The following DNAH9 variants were observed in gnomAD, a reference collection of about 807,000 sequenced individuals.
The protein encoded by DNAH9 is dynein axonemal heavy chain 9.
Under a neutral mutation model 471.6 loss-of-function variants are expected in DNAH9, and 345 were observed. The observed-to-expected ratio is 0.73, with a 90% CI of 0.67 to 0.80. The LOEUF (loss-of-function observed/expected upper bound fraction) is 0.80. DNAH9 is among the 30% of genes least tolerant of loss of function. The pLI is 0.00. For missense variants in DNAH9, 5,407 were observed against 5,609.2 expected (o/e 0.96, Z 1.15); for synonymous variants, 2,093 against 2,123.6 (o/e 0.99, Z 0.40).
intron 48 of DNAH9, among the ~76,000 whole-genome samples, chr17:11,825,036 T>A (rs563752521): frequency 1.3e-5 from 2 of 152,148 alleles, no homozygotes; most frequent in African/African-American, 4.8e-5. Flanking sequence ...AACTCAACGT[T>A]TGCCAACAAA....
intron 55 of DNAH9, chr17:11,883,260 T>TA (rs1972785811): frequency 1.9e-6 from 2 of 1,044,230 alleles, no homozygotes; most frequent in African/African-American, 1.7e-5. Context: ...ACCCTCTAGT[T>TA]ACACAAATAA....
intron 5 of DNAH9, among the ~76,000 whole-genome samples, chr17:11,617,942 A>G (rs2072779478): frequency 6.6e-6 from 1 of 152,230 alleles, no homozygotes; most frequent in African/African-American, 2.4e-5. Flanking sequence ...CCTAAGCAGT[A>G]AAGAGTGCAG....
intron 43 of DNAH9, among the ~76,000 whole-genome samples, chr17:11,798,072 A>C (rs891104427): frequency 6.6e-6 from 1 of 152,110 alleles, no homozygotes; most frequent in Middle Eastern, 3.2e-3. Context: ...ACTTGAGATC[A>C]TAAAATGGGA....
rs771924330 is a variant in DNAH9 at position 11,652,774 on chromosome 17, T to A, written c.2367T>A (p.Tyr789Ter). ...LNWKTEGICD[Y>*]VTEITSSIHD... ...TTTGGGGAACAGGCATTTGCGATTATGTCACTGAAATCACCAGTAGTATTC... is the reference window on the plus strand; with the variant it reads ...TTTGGGGAACAGGCATTTGCGATTAAGTCACTGAAATCACCAGTAGTATTC... Residue 789 changes from tyrosine (Y) to a stop codon, truncating the protein, a stop_gained, in exon 14 of 69, where the codon TAT (tyrosine) becomes TAA (stop). Coordinates refer to ENST00000262442, the MANE Select transcript of DNAH9 (RefSeq NM_001372.4). LOFTEE classifies it high-confidence loss of function. 9 of 1,613,456 alleles carry A rather than the reference T, an allele frequency of 5.6e-6. No homozygotes were observed. The highest frequency in any genetic ancestry group is 5.9e-6 in the Non-Finnish European group (7 of 1,179,732).
chr17:11,933,942 T>A lies in DNAH9; in HGVS notation c.12360T>A (p.Asp4120Glu). The change falls in exon 65 of 69, where the codon GAT becomes GAA. Residue 4120 changes from aspartate to glutamate, a missense_variant. This residue lies in a region of DNAH9 where 4,636 missense variants were observed against 4,900.3 expected (regional missense o/e 0.95). Transcript: ENST00000262442. ...GEIMYGGHIT[D>E]DWDRRLCRTY... ...TCATGTATGGAGGCCATATCACAGATGACTGGGACAGAAGACTCTGCAGAA... is the reference window on the plus strand; with the variant it reads ...TCATGTATGGAGGCCATATCACAGAAGACTGGGACAGAAGACTCTGCAGAA... 6.2e-7 allele frequency: 1 copy of A among 1,614,176 alleles called. No individual in the cohort carries two copies. The highest frequency in any genetic ancestry group is 2.2e-5 in the East Asian group (1 of 44,880).
chr17:11,871,193 G>A lies in DNAH9; in HGVS notation c.10054-405G>A, dbSNP rs1004292830. On this transcript the variant is annotated intron_variant, in intron 51 of 68. Transcript: ENST00000262442. ...ATTTATGGTGCATGGACTTGATTTT[G>A]TTTATTTTCATTTCCCCAGCATTTG... is the stretch of plus-strand genomic sequence containing the variant. Among the ~76,000 whole-genome samples, 5 of 152,136 alleles carry A rather than the reference G, an allele frequency of 3.3e-5. No individual in the cohort carries two copies. The South Asian group carries it at 1.0e-3, about 32-fold the overall frequency.
chr17:11,686,994 G>T (rs144930381), intron 19 of DNAH9, among the ~76,000 whole-genome samples: 1,638 of 152,286 alleles, frequency 0.011, 33 homozygotes, highest in African/African-American at 0.037. Context: ...CTTTGGAAAT[G>T]AAGAATAAAC....
At chr17:11,950,224 A>C (rs1259248025) in intron 67 of DNAH9, among the ~76,000 whole-genome samples, 1 of 152,196 alleles carries the variant, frequency 6.6e-6, no homozygotes, top group Non-Finnish European at 1.5e-5. Flanking sequence ...TGATGAATCT[A>C]TACTCATACA....
rs1166160652 is a variant in DNAH9 at position 11,705,084 on chromosome 17, G to T, written c.5451G>T (p.Glu1817Asp). The T allele has an allele frequency of 1.9e-6, 3 of 1,614,026 alleles. No individual in the cohort carries two copies. The highest frequency in any genetic ancestry group is 2.5e-6 in the Non-Finnish European group (3 of 1,179,980). ...AGCTGCGCCATCGTTGGGATGACGAGGTCAAACACTGCTTTGCCAACATCT... is the reference window on the plus strand; with the variant it reads ...AGCTGCGCCATCGTTGGGATGACGATGTCAAACACTGCTTTGCCAACATCT... ...LSQLRHRWDDEVKHCFANICD... is the reference protein window; with the variant it reads ...LSQLRHRWDDDVKHCFANICD... Residue 1817 changes from glutamate to aspartate, a missense_variant, in exon 26 of 69, where the codon GAG becomes GAT. Glu to Asp is a conservative substitution (Grantham distance 45). This residue lies in a region of DNAH9 where 4,636 missense variants were observed against 4,900.3 expected (regional missense o/e 0.95). Coordinates refer to ENST00000262442, the MANE Select transcript of DNAH9 (RefSeq NM_001372.4).
chr17:11,870,911 C>A (rs1289000640), intron 51 of DNAH9, among the ~76,000 whole-genome samples: 3 of 152,080 alleles, frequency 2.0e-5, no homozygotes, highest in Non-Finnish European at 4.4e-5. Flanking sequence ...ACTGGGTTGG[C>A]AAATCTCTAA....
chr17:11,917,423 C>A (rs543402410), intron 61 of DNAH9, among the ~76,000 whole-genome samples: 32 of 152,288 alleles, frequency 2.1e-4, no homozygotes, highest in African/African-American at 7.7e-4. Flanking sequence ...TCCCAAAGTG[C>A]TGGGATTACA....
chr17:11,636,849 C>T lies in DNAH9; in HGVS notation c.1786+65C>T. On this transcript the variant is annotated intron_variant, in intron 9 of 68. Transcript: ENST00000262442. ...TACTGGAAAGAAGCAACTCATTCCT[C>T]TTGTATTTGTTAAATGTCCATGTAT... 4 of 1,401,310 alleles carry T rather than the reference C, an allele frequency of 2.9e-6. No homozygotes were observed. In the South Asian group the frequency reaches 3.5e-5, roughly 12 times the overall value. The allele number at this position is 1,401,310 out of a possible 1,614,324, so 86.8% of individuals were successfully genotyped here.
chr17:11,808,836 C>A lies in DNAH9; in HGVS notation c.8583+942C>A, dbSNP rs560080215. On this transcript the variant is annotated intron_variant, in intron 44 of 68. Transcript: ENST00000262442. Reference sequence around the variant, plus strand: ...CTAGTCTGGGGAATGGCCTGGGCATCACGATTTTTCAAAGCATCCCCAAGA... The same window carrying A: ...CTAGTCTGGGGAATGGCCTGGGCATAACGATTTTTCAAAGCATCCCCAAGA... 2.0e-5 allele frequency among the ~76,000 whole-genome samples: 3 copies of A among 152,236 alleles called. No individual in the cohort carries two copies. The East Asian group carries it at 5.8e-4, about 29-fold the overall frequency.
At chr17:11,947,772 A>ATTTTTTTTTTTT in intron 67 of DNAH9, among the ~76,000 whole-genome samples, 1 of 108,344 alleles carries the variant, frequency 9.2e-6, no homozygotes, top group African/African-American at 3.9e-5. Flanking sequence ...GCTGGGAACT[A>ATTTTTTTTTTTT]TTTTTTTTTT....
chr17:11,888,006 G>A (rs953343637), intron 57 of DNAH9, among the ~76,000 whole-genome samples: 6 of 150,928 alleles, frequency 4.0e-5, no homozygotes, highest in African/African-American at 1.5e-4. Context: ...TTTTTGAGAG[G>A]GAGTCTCGCT....
At position 11,690,117 on chromosome 17, in the gene DNAH9, G is replaced by A. The variant is rs200329184; in HGVS notation, c.4295G>A (p.Gly1432Asp). The A allele has an allele frequency of 2.6e-4, 414 of 1,614,194 alleles. 1 individual carries two copies. The South Asian group carries it at 2.9e-3, about 11-fold the overall frequency. The change falls in exon 20 of 69, where the codon GGT (glycine) becomes GAT (aspartate). Residue 1432 changes from glycine (G) to aspartate (D), a missense_variant. Physicochemically the swap from Gly to Asp is moderately conservative, Grantham distance 94. Transcript: ENST00000262442. ...GIVDKAAKEM[G>D]MEKTLKELQT... ...GTGGACAAAGCTGCAAAAGAGATGG[G>A]TATGGAGAAAACCTTAAAGGAGCTG...
rs561703792 is a variant in DNAH9, at chr17:11,959,347, C to T, written c.12844-2520C>T. On this transcript the variant is annotated intron_variant, in intron 67 of 68. Coordinates refer to ENST00000262442, the MANE Select transcript of DNAH9 (RefSeq NM_001372.4). ...CTTTGATCATTTATTTTGTCCTTTG[C>T]ACTAAATTTCATCTTTATACTTAAT... is the stretch of plus-strand genomic sequence containing the variant. Among the ~76,000 whole-genome samples, 14 of 152,216 alleles carry T rather than the reference C, an allele frequency of 9.2e-5. No homozygotes were observed. In the South Asian group the frequency reaches 2.9e-3, roughly 32 times the overall value.
At chr17:11,919,155 GT>G (rs1394206041) in intron 61 of DNAH9, among the ~76,000 whole-genome samples, 1 of 151,968 alleles carries the variant, frequency 6.6e-6, no homozygotes, top group Non-Finnish European at 1.5e-5. Context: ...CAGAGGGCAT[GT>G]TTTTTCAGGG....
Position 11,932,587 on chromosome 17 carries a change from T to G in DNAH9, c.12297+382T>G, listed in dbSNP as rs1354685815. On this transcript the variant is annotated intron_variant, in intron 64 of 68. Coordinates refer to ENST00000262442, the MANE Select transcript of DNAH9 (RefSeq NM_001372.4). The surrounding 1 kb of genome is among the most constrained non-coding windows in gnomAD (Gnocchi z 4.3). ...AATTCGTATGCACGTTAAGGAGGGATGATGCAGTGCTATCCTACAGAAGGG... is the reference window on the plus strand; with the variant it reads ...AATTCGTATGCACGTTAAGGAGGGAGGATGCAGTGCTATCCTACAGAAGGG... 1.3e-5 allele frequency among the ~76,000 whole-genome samples: 2 copies of G among 152,220 alleles called. No homozygotes were observed. The highest frequency in any genetic ancestry group is 4.8e-5 in the African/African-American group (2 of 41,458).
Sources: gnomAD v4.1 joint callset for allele counts (sites outside exome capture counted in the v4.1 genomes callset) on GRCh38, gnomAD v4.1.1 for gene constraint, gnomAD v4.1.1 regional missense constraint, Gnocchi (gnomAD v3.1) non-coding constraint, MANE v1.5 for transcripts, NCBI Gene and HGNC (gene_info 2026-07-23, HGNC 2026-07-21) for gene names.